The following TMEM43 variants were observed in gnomAD, a reference collection of about 807,000 sequenced individuals.
TMEM43 encodes arrhythmogenic right ventricular dysplasia 5.
In TMEM43, 45 loss-of-function variants were observed where a neutral mutation model predicts 49.6. The observed-to-expected ratio is 0.91, with a 90% CI of 0.71 to 1.16. The LOEUF (loss-of-function observed/expected upper bound fraction) is 1.16. Among genes scored for constraint, TMEM43 ranks in the 50% most tolerant of loss-of-function variants. TMEM43 has a pLI of 0.00. For synonymous variants in TMEM43, 199 were observed against 207.8 expected (o/e 0.96, Z 0.36); for missense variants, 532 against 516.6 (o/e 1.03, Z -0.29).
intron 11 of TMEM43, among the ~76,000 whole-genome samples, 167 bp downstream of exon 11, chr3:14,139,464 A>C (rs1695220959): frequency 6.6e-6 from 1 of 152,212 alleles, no homozygotes; most frequent in Non-Finnish European, 1.5e-5. Context: ...ATGAGGGAGC[A>C]GAGGAAGGCA....
chr3:14,135,686 C>G, intron 9 of TMEM43, 121 bp from the exon 10 acceptor site: 1 of 741,300 alleles, frequency 1.3e-6, no homozygotes, highest in East Asian at 2.6e-5. Flanking sequence ...AGAGAGAAGC[C>G]CCAGGGTTTC....
chr3:14,135,318 T>C (rs1695154271), intron 9 of TMEM43, 86 bp downstream of exon 9: 3 of 1,127,680 alleles, frequency 2.7e-6, no homozygotes, highest in South Asian at 2.6e-5. Context: ...TCAGGAGCGC[T>C]TGGACCCCCT....
intron 9 of TMEM43, among the ~76,000 whole-genome samples, chr3:14,135,479 G>A (rs998873611): frequency 2.0e-5 from 3 of 152,274 alleles, no homozygotes; most frequent in Admixed American, 1.3e-4. Flanking sequence ...CTTATGACAG[G>A]TGTTCCAGTC....
chr3:14,132,218 G>GC (rs1023783239), intron 4 of TMEM43, among the ~76,000 whole-genome samples: 9 of 152,154 alleles, frequency 5.9e-5, no homozygotes, highest in African/African-American at 1.9e-4. Flanking sequence ...GCTTCAAGAG[G>GC]CCCCCCGCAG....
chr3:14,139,286 T>A lies in TMEM43; in HGVS notation c.989T>A (p.Leu330His). The A allele has an allele frequency of 6.2e-7, 1 of 1,613,632 alleles. No homozygotes were observed. Among genetic ancestry groups the A allele is most frequent in the Non-Finnish European group, 8.5e-7 (1 of 1,179,516 alleles). Residue 330 changes from leucine to histidine, a missense_variant, in exon 11 of 12, where the codon CTC becomes CAC. Coordinates refer to ENST00000306077, the MANE Select transcript of TMEM43 (RefSeq NM_024334.3). The part of the protein sequence containing the change: ...FMGLNLMTRI[L>H]YTLVDWFPVF... ...GGCCTCAACCTTATGACACGGATCC[T>A]CTACACCTTGGGTAGGTGTTGGGGT...
chr3:14,125,502 C>G (rs914789146), intron 1 of TMEM43, among the ~76,000 whole-genome samples: 2 of 152,232 alleles, frequency 1.3e-5, no homozygotes, highest in Non-Finnish European at 2.9e-5. Flanking sequence ...TCTCCGCGGC[C>G]CCTCCTTGCA....
At chr3:14,133,596 A>G in intron 6 of TMEM43, 143 bp from the exon 7 acceptor site, 2 of 796,912 alleles carry the variant, frequency 2.5e-6, no homozygotes, top group East Asian at 2.4e-5. Flanking sequence ...GGGGGTGGAC[A>G]GGACAAGATG....
rs2124981531 is a variant in TMEM43 at position 14,125,053 on chromosome 3, C to T, written c.-141C>T. On this transcript the variant is annotated 5_prime_UTR_variant, in exon 1 of 12. Transcript: ENST00000306077. ...CACTGGGCACAGGGGGAGGTAACTG[C>T]AGTAAGTCCCGCTTGGCCCTGGAGT... 2 of 1,077,446 alleles carry T rather than the reference C, an allele frequency of 1.9e-6. No homozygotes were observed. The highest frequency in any genetic ancestry group is 1.3e-5 in the South Asian group (1 of 74,992). The allele number at this position is 1,077,446 out of a possible 1,614,324, so 66.7% of individuals were successfully genotyped here.
rs1401736122 is a variant in TMEM43 at position 14,125,686 on chromosome 3, T to A, written c.12+481T>A. 2.6e-5 allele frequency among the ~76,000 whole-genome samples: 4 copies of A among 152,252 alleles called. No individual in the cohort carries two copies. The East Asian group carries it at 7.7e-4, about 29-fold the overall frequency. On this transcript the variant is annotated intron_variant, in intron 1 of 11. Coordinates refer to ENST00000306077, the MANE Select transcript of TMEM43 (RefSeq NM_024334.3). The stretch of plus-strand genomic sequence containing the variant: ...CAGGCGGGCAGAGAGCTCTCCGCCC[T>A]AGGGAGTCTCTGTAAACCGAGTCTG...
chr3:14,125,308 G>T, intron 1 of TMEM43, 103 bp downstream of exon 1: 8 of 1,396,652 alleles, frequency 5.7e-6, no homozygotes, highest in Non-Finnish European at 7.9e-6. Context: ...GAGCTCCTCC[G>T]TGCGGCTAGG....
intron 6 of TMEM43, among the ~76,000 whole-genome samples, chr3:14,133,286 AG>A (rs769528336): frequency 6.6e-5 from 10 of 152,218 alleles, no homozygotes; most frequent in Non-Finnish European, 1.5e-4. Context: ...CAGGCTTCTC[AG>A]GATTTCAGCA....
chr3:14,135,608 C>T (rs1360069609), intron 9 of TMEM43, among the ~76,000 whole-genome samples, 199 bp from the exon 10 acceptor site: 1 of 152,208 alleles, frequency 6.6e-6, no homozygotes, highest in Admixed American at 6.5e-5. Context: ...GCTTTGAATG[C>T]CTGGAGCTTT....
intron 4 of TMEM43, 23 bp from the exon 5 acceptor site, chr3:14,132,523 T>C: frequency 1.2e-6 from 2 of 1,614,120 alleles, no homozygotes; most frequent in East Asian, 2.2e-5. Flanking sequence ...CTAACCCCCG[T>C]GGCTGCTTTG....
At chr3:14,133,872 G>C in intron 7 of TMEM43, 63 bp downstream of exon 7, 1 of 1,450,860 alleles carries the variant, frequency 6.9e-7, no homozygotes, top group Non-Finnish European at 9.7e-7. Context: ...TAGGGCCGGA[G>C]CTCCCAGTAC....
intron 1 of TMEM43, among the ~76,000 whole-genome samples, chr3:14,127,572 G>T (rs1419270327): frequency 6.6e-6 from 1 of 152,136 alleles, no homozygotes; most frequent in African/African-American, 2.4e-5. Context: ...GGAAGATGAC[G>T]TAACCCTGAG....
chr3:14,140,093 A>C (rs1216712433), intron 11 of TMEM43, among the ~76,000 whole-genome samples: 2 of 152,210 alleles, frequency 1.3e-5, no homozygotes, highest in Non-Finnish European at 2.9e-5. Flanking sequence ...GTCTGGCTGC[A>C]CATCTTGGGC....
intron 10 of TMEM43, among the ~76,000 whole-genome samples, chr3:14,138,629 G>A (rs926819383): frequency 6.6e-6 from 1 of 152,198 alleles, no homozygotes; most frequent in African/African-American, 2.4e-5. Flanking sequence ...GAGGGCCAGA[G>A]CTGCAGCTTT....
intron 1 of TMEM43, 63 bp from the exon 2 acceptor site, chr3:14,129,349 A>G (rs898199202): frequency 3.0e-6 from 4 of 1,329,174 alleles, no homozygotes; most frequent in South Asian, 2.9e-5. Flanking sequence ...GTATAAATAA[A>G]TAGCAAATTT....
At position 14,135,247 on chromosome 3, in the gene TMEM43, C is replaced by G. The variant is rs780517641; in HGVS notation, c.780+15C>G. ...CAGCTCACGTGGTAACCTGGCTTCC[C>G]AGGGGCAGACACTAAGTCAGAGCCT... On this transcript the variant is annotated intron_variant, in intron 9 of 11. Coordinates refer to ENST00000306077, the MANE Select transcript of TMEM43 (RefSeq NM_024334.3). 1.2e-6 allele frequency: 2 copies of G among 1,606,630 alleles called. No individual in the cohort carries two copies. Among genetic ancestry groups the G allele is most frequent in the East Asian group, 4.5e-5 (2 of 44,826 alleles).
Sources: allele counts gnomAD v4.1 joint callset (sites outside exome capture counted in the v4.1 genomes callset), GRCh38; gene constraint gnomAD v4.1.1; transcripts MANE v1.5; gene names NCBI Gene and HGNC (gene_info 2026-07-23, HGNC 2026-07-21).